Variants in PCDHA4 observed in about 807,000 individuals in gnomAD.
The protein encoded by PCDHA4 is protocadherin alpha-4.
Under a neutral mutation model 61.4 loss-of-function variants are expected in PCDHA4, and 49 were observed. That is an observed-to-expected ratio of 0.80 (90% CI 0.63 to 1.01). The LOEUF is 1.01. Ranked by LOEUF, PCDHA4 falls within the 50% of genes least tolerant of loss-of-function variation. The pLI is 0.00. For missense variants in PCDHA4, 1,254 were observed against 1,235.8 expected, an observed-to-expected ratio of 1.01 and a Z score of -0.22; for synonymous variants, 590 against 550.3, an observed-to-expected ratio of 1.07 and a Z score of -1.01.
At chr5:140,823,279 C>G (rs140654699) in intron 1 of PCDHA4, 1 of 1,612,436 alleles carries the variant, frequency 6.2e-7, no homozygotes, top group Non-Finnish European at 8.5e-7. Flanking sequence ...GGGCGAGCGC[C>G]CGCTGTCGAG....
chr5:140,899,664 G>T (rs1263525075), intron 1 of PCDHA4, among the ~76,000 whole-genome samples: 17 of 152,124 alleles, frequency 1.1e-4, no homozygotes, highest in Admixed American at 1.0e-3. Flanking sequence ...GTCTCTGCCC[G>T]GCTTTGGTAT....
In PCDHA4 at chr5:140,995,570, A is replaced by T. The variant is rs186345842; in HGVS notation, c.2533+13007A>T. ...TCACTGTACTGAATAATATGTCAAG[A>T]TGAGCTATGAGCTTTTAACTTAGTG... is the stretch of plus-strand genomic sequence containing the variant. On this transcript the variant is annotated intron_variant, in intron 3 of 3. Transcript: ENST00000530339. Among the ~76,000 whole-genome samples, 3 of 152,328 alleles carry T rather than the reference A, an allele frequency of 2.0e-5. No homozygotes were observed. In the East Asian group the frequency reaches 5.8e-4, roughly 29 times the overall value.
intron 1 of PCDHA4, chr5:140,927,653 G>A: frequency 6.2e-7 from 1 of 1,614,190 alleles, no homozygotes; most frequent in Non-Finnish European, 8.5e-7. Context: ...GTGTTATTCC[G>A]AGTTCAAGCC....
chr5:140,956,960 TAATC>T (rs2307694), intron 1 of PCDHA4, among the ~76,000 whole-genome samples: 47,965 of 151,898 alleles, frequency 0.32, 7,886 homozygotes, highest in East Asian at 0.53. Flanking sequence ...ACACTGTAAT[TAATC>T]AGTCAATTTA....
chr5:140,909,343 C>G (rs148713510), intron 1 of PCDHA4, among the ~76,000 whole-genome samples: 2 of 152,264 alleles, frequency 1.3e-5, no homozygotes, highest in African/African-American at 4.8e-5. Context: ...ATACCAGGTA[C>G]CAAGAGATGT....
At chr5:140,856,513 C>A (rs17844340) in intron 1 of PCDHA4, 3 of 1,598,242 alleles carry the variant, frequency 1.9e-6, no homozygotes, top group Non-Finnish European at 2.6e-6. Flanking sequence ...CACTAGAAGG[C>A]GCATCTGATG....
At position 140,842,264 on chromosome 5, in the gene PCDHA4, T is replaced by G; in HGVS notation, c.2385+32692T>G. The G allele has an allele frequency of 1.9e-6, 3 of 1,610,762 alleles. No homozygotes were observed. The South Asian group carries it at 3.3e-5, about 18-fold the overall frequency. Reference sequence around the variant, plus strand: ...TAATTTGGATTTTGAACAAGAAAACTTATACAAAATCCTCATTGACGCCAC... The same window carrying G: ...TAATTTGGATTTTGAACAAGAAAACGTATACAAAATCCTCATTGACGCCAC... On this transcript the variant is annotated intron_variant, in intron 1 of 3. Transcript: ENST00000530339.
At chr5:140,943,600 A>G (rs996134923) in intron 1 of PCDHA4, among the ~76,000 whole-genome samples, 1 of 152,198 alleles carries the variant, frequency 6.6e-6, no homozygotes, top group African/African-American at 2.4e-5. Context: ...AATTCTAAAT[A>G]TAGACTTTGA....
At chr5:140,968,749 G>A in intron 1 of PCDHA4, 1 of 1,614,150 alleles carries the variant, frequency 6.2e-7, no homozygotes, top group Non-Finnish European at 8.5e-7. Context: ...TGACCGTGGT[G>A]GTCCGAGATA....
At chr5:140,853,256 C>T (rs943963814) in intron 1 of PCDHA4, 1 of 973,952 alleles carries the variant, frequency 1.0e-6, no homozygotes, top group Non-Finnish European at 1.2e-6. Context: ...TCTATTCTCT[C>T]TCAGAGTACA....
chr5:140,853,667 G>A lies in PCDHA4; in HGVS notation c.2385+44095G>A, dbSNP rs965344983. 2.4e-5 allele frequency: 24 copies of A among 988,242 alleles called. 2 individuals carry two copies. The highest frequency in any genetic ancestry group is 7.1e-5 in the African/African-American group (4 of 56,544). 61.2% of individuals were successfully genotyped at this position (988,242 alleles called of 1,614,324 possible). On this transcript the variant is annotated intron_variant, in intron 1 of 3. Transcript: ENST00000530339. ...TTGAGCCTGTTCCAGACAAATTGGG[G>A]CCTATGGTCAACCTATCCTTAGACC...
chr5:140,846,229 T>C (rs1166020827), intron 1 of PCDHA4, among the ~76,000 whole-genome samples: 1 of 149,582 alleles, frequency 6.7e-6, no homozygotes, highest in Non-Finnish European at 1.5e-5. Context: ...GTATTTTTCT[T>C]AAAAAGAAGT....
chr5:140,866,359 A>ATT (rs1376841789), intron 1 of PCDHA4: 14 of 152,148 alleles, frequency 9.2e-5, no homozygotes, highest in African/African-American at 2.9e-4. Context: ...TGTTTACAAT[A>ATT]TTGCATACTT....
At position 140,809,058 on chromosome 5, in the gene PCDHA4, T is replaced by C. The variant is rs1554124969; in HGVS notation, c.1871T>C (p.Val624Ala). Residue 624 changes from valine to alanine, a missense_variant, in exon 1 of 4, where the codon GTG becomes GCG. Val to Ala is a moderately conservative substitution (Grantham distance 64, BLOSUM62 0). Transcript: ENST00000530339. ...GGTGGCGCGCGCATCCCGTTCCGCGTGGGGCTGTACACTGGCGAGATCAGC... is the reference window on the plus strand; with the variant it reads ...GGTGGCGCGCGCATCCCGTTCCGCGCGGGGCTGTACACTGGCGAGATCAGC... Reference protein sequence around the residue: ...GTGGARIPFRVGLYTGEISTT... With the variant: ...GTGGARIPFRAGLYTGEISTT... The C allele has an allele frequency of 1.2e-6, 2 of 1,613,738 alleles. No individual in the cohort carries two copies. The highest frequency in any genetic ancestry group is 2.2e-5 in the East Asian group (1 of 44,866).
At chr5:140,820,247 C>T (rs961844156) in intron 1 of PCDHA4, among the ~76,000 whole-genome samples, 7 of 151,972 alleles carry the variant, frequency 4.6e-5, no homozygotes, top group Middle Eastern at 7.0e-3. Context: ...TAGTAAAAAT[C>T]TTATAAGGGA....
chr5:140,962,512 AATAAT>A (rs2095688598), intron 1 of PCDHA4, among the ~76,000 whole-genome samples: 1 of 152,184 alleles, frequency 6.6e-6, no homozygotes, highest in Admixed American at 6.5e-5. Flanking sequence ...GCCAACTATC[AATAAT>A]ATATTAGTTT....
chr5:140,870,854 T>G, intron 1 of PCDHA4: 4 of 1,613,784 alleles, frequency 2.5e-6, no homozygotes, highest in Non-Finnish European at 3.4e-6. Flanking sequence ...CCGCGGTCGG[T>G]GGGTGCGGGC....
intron 1 of PCDHA4, among the ~76,000 whole-genome samples, chr5:140,959,659 A>G (rs1020730964): frequency 6.6e-6 from 1 of 152,250 alleles, no homozygotes; most frequent in Non-Finnish European, 1.5e-5. Context: ...AAATTGAAGA[A>G]TTTGTAAATC....
chr5:140,976,486 G>C (rs782708902), intron 1 of PCDHA4, among the ~76,000 whole-genome samples: 1 of 152,078 alleles, frequency 6.6e-6, no homozygotes, highest in Non-Finnish European at 1.5e-5. Flanking sequence ...GGGAGGCAGA[G>C]GTTGCAGGGA....
Sources: gnomAD v4.1 joint callset for allele counts (sites outside exome capture counted in the v4.1 genomes callset) on GRCh38, gnomAD v4.1.1 for gene constraint, MANE v1.5 for transcripts, NCBI Gene and HGNC (gene_info 2026-07-23, HGNC 2026-07-21) for gene names.